The following HGD variants were observed in gnomAD, a reference collection of about 807,000 sequenced individuals.
HGD encodes homogentisate 1,2-dioxygenase.
HGD carries 61 observed loss-of-function variants against 60.8 expected under a neutral mutation model. That is an observed-to-expected ratio of 1.00 (90% CI 0.82 to 1.24). The LOEUF is 1.24. Among genes scored for constraint, HGD ranks in the 50% most tolerant of loss-of-function variants. The probability of loss-of-function intolerance (pLI) is 0.00; values close to 1 mark genes in which losing one functional copy is unlikely to be tolerated. For synonymous variants in HGD, 212 were observed against 187.7 expected (o/e 1.13, Z -1.06); for missense variants, 542 against 547.1 (o/e 0.99, Z 0.09).
In HGD at chr3:120,648,196, A is replaced by G. The variant is rs1941223217; in HGVS notation, c.435-285T>C. Among the ~76,000 whole-genome samples the G allele has an allele frequency of 3.3e-5, 5 of 152,368 alleles. No individual in the cohort carries two copies. The South Asian group carries it at 8.3e-4, about 25-fold the overall frequency. On this transcript the variant is annotated intron_variant, in intron 6 of 13. Coordinates refer to ENST00000283871, the MANE Select transcript of HGD (RefSeq NM_000187.4). ...AGCGACTTGGTTAGTTTGAAGAATCAGCAAAGGCTTCTTCAAAGAAGGGAC... is the reference window on the plus strand; with the variant it reads ...AGCGACTTGGTTAGTTTGAAGAATCGGCAAAGGCTTCTTCAAAGAAGGGAC...
intron 8 of HGD, 96 bp from the exon 9 acceptor site, chr3:120,646,462 T>C (rs1941166699): frequency 2.4e-6 from 2 of 821,414 alleles, no homozygotes; most frequent in Admixed American, 3.5e-5. Context: ...CATGCAAAAG[T>C]AAAGCTCTTG....
intron 1 of HGD, among the ~76,000 whole-genome samples, chr3:120,676,348 T>C (rs1708130407): frequency 6.6e-6 from 1 of 152,178 alleles, no homozygotes. Context: ...TTTAAAGATA[T>C]GGGTGGCCTT....
chr3:120,677,121 T>A (rs1708145854), intron 1 of HGD, among the ~76,000 whole-genome samples: 1 of 152,198 alleles, frequency 6.6e-6, no homozygotes, highest in African/African-American at 2.4e-5. Flanking sequence ...AGGATGTATA[T>A]TGCCTCAGGA....
chr3:120,628,595 A>G, intron 13 of HGD, 66 bp from the exon 14 acceptor site: 1 of 1,543,630 alleles, frequency 6.5e-7, no homozygotes. Flanking sequence ...ATTTGATTAG[A>G]TGTCAACAGA....
intron 12 of HGD, among the ~76,000 whole-genome samples, chr3:120,634,512 TAG>T (rs1940696618): frequency 6.6e-6 from 1 of 152,026 alleles, no homozygotes; most frequent in Admixed American, 6.6e-5. Flanking sequence ...CACATATAAT[TAG>T]ATATGTGCTG....
chr3:120,649,037 C>A (rs949036269), intron 6 of HGD, among the ~76,000 whole-genome samples: 4 of 151,778 alleles, frequency 2.6e-5, no homozygotes, highest in African/African-American at 9.7e-5. Flanking sequence ...GTTTGGTTGA[C>A]AGTTCTTGAT....
intron 9 of HGD, 70 bp downstream of exon 9, chr3:120,646,197 T>C: frequency 2.1e-6 from 2 of 971,006 alleles, no homozygotes; most frequent in Non-Finnish European, 1.7e-6. Context: ...GAGAAGGATG[T>C]TTAACTTTCA....
intron 4 of HGD, among the ~76,000 whole-genome samples, chr3:120,656,359 T>C (rs979639345): frequency 3.9e-5 from 6 of 152,230 alleles, no homozygotes; most frequent in East Asian, 1.9e-4. Context: ...ATTTATACTA[T>C]ATGCTATTGT....
intron 13 of HGD, among the ~76,000 whole-genome samples, chr3:120,631,430 C>T (rs775001901): frequency 2.0e-5 from 3 of 152,012 alleles, no homozygotes; most frequent in South Asian, 2.1e-4. Context: ...GTGATTATTA[C>T]GTATCATATG....
intron 4 of HGD, among the ~76,000 whole-genome samples, chr3:120,667,648 A>G (rs1707930895): frequency 1.3e-5 from 2 of 152,104 alleles, no homozygotes; most frequent in African/African-American, 4.8e-5. Flanking sequence ...CTATAAACAG[A>G]TCTATGAAGA....
rs143221739 is a variant in HGD, at chr3:120,669,850, T to C, written c.282+577A>G. 3.0e-3 allele frequency among the ~76,000 whole-genome samples: 455 copies of C among 152,352 alleles called. 2 individuals carry two copies. The highest frequency in any genetic ancestry group is 0.01 in the African/African-American group (428 of 41,576). On this transcript the variant is annotated intron_variant, in intron 4 of 13. Transcript: ENST00000283871. ...GTTAAATTAGATTTGTCAAAGGTTT[T>C]TCTTTTAACAATATGTATATACATA...
At chr3:120,632,404 A>G (rs1005683649) in intron 13 of HGD, among the ~76,000 whole-genome samples, 11 of 152,266 alleles carry the variant, frequency 7.2e-5, no homozygotes, top group African/African-American at 2.7e-4. Flanking sequence ...CAAAAATAAA[A>G]TAAAATCAAG....
intron 11 of HGD, among the ~76,000 whole-genome samples, chr3:120,639,551 C>T (rs975572290): frequency 5.3e-5 from 8 of 152,148 alleles, no homozygotes; most frequent in Non-Finnish European, 2.9e-5. Flanking sequence ...ACTTATTACC[C>T]CGTGGGTCTG....
At chr3:120,647,074 G>C (rs1941189798) in intron 7 of HGD, 22 bp from the exon 8 acceptor site, 8 of 1,589,794 alleles carry the variant, frequency 5.0e-6, no homozygotes, top group Non-Finnish European at 6.0e-6. Context: ...AGACAGGGCA[G>C]TGGTGAGCAA....
intron 3 of HGD, 30 bp downstream of exon 3, chr3:120,674,871 T>G (rs770142792): frequency 6.9e-7 from 1 of 1,454,752 alleles, no homozygotes. Context: ...ACCCACAGTC[T>G]GCAGGTCAGA....
At chr3:120,679,727 C>T (rs1203223348) in intron 1 of HGD, among the ~76,000 whole-genome samples, 1 of 152,112 alleles carries the variant, frequency 6.6e-6, no homozygotes, top group Admixed American at 6.6e-5. Flanking sequence ...GAAGAGGCTA[C>T]AAACCAAGGA....
chr3:120,635,304 C>T (rs895494891), intron 12 of HGD, among the ~76,000 whole-genome samples: 1 of 151,814 alleles, frequency 6.6e-6, no homozygotes, highest in Non-Finnish European at 1.5e-5. Flanking sequence ...GGTGAAACCT[C>T]GTCTCTACTA....
chr3:120,633,087 C>T (rs567035915), intron 13 of HGD, 60 bp downstream of exon 13: 7 of 1,510,820 alleles, frequency 4.6e-6, no homozygotes, highest in South Asian at 4.6e-5. Flanking sequence ...AAACGGCCAC[C>T]CCTCTCAGTA....
intron 9 of HGD, among the ~76,000 whole-genome samples, 175 bp downstream of exon 9, chr3:120,646,092 G>T (rs1193099555): frequency 6.6e-6 from 1 of 152,132 alleles, no homozygotes; most frequent in African/African-American, 2.4e-5. Context: ...GGTTTGGGTT[G>T]CTTTCTGTTT....
Sources: allele counts gnomAD v4.1 joint callset (sites outside exome capture counted in the v4.1 genomes callset), GRCh38; gene constraint gnomAD v4.1.1; transcripts MANE v1.5; gene names NCBI Gene and HGNC (gene_info 2026-07-23, HGNC 2026-07-21).